Variants in CPNE3 observed in about 807,000 individuals in gnomAD.
CPNE3 encodes the protein copine-3.
In CPNE3, 68 loss-of-function variants were observed where a neutral mutation model predicts 63.9. The observed-to-expected ratio is 1.06, with a 90% confidence interval of 0.87 to 1.30. CPNE3 has a LOEUF of 1.30. Among genes scored for constraint, CPNE3 ranks in the 50% most tolerant of loss-of-function variants. CPNE3 has a pLI of 0.00. For missense variants in CPNE3, 665 were observed against 578.1 expected, an observed-to-expected ratio of 1.15 and a Z score of -1.54; for synonymous variants, 219 against 197.5, an observed-to-expected ratio of 1.11 and a Z score of -0.91.
chr8:86,554,548 A>G (rs993120291), intron 14 of CPNE3, among the ~76,000 whole-genome samples: 3 of 152,176 alleles, frequency 2.0e-5, no homozygotes, highest in Non-Finnish European at 4.4e-5. Flanking sequence ...TCAGAGCCAC[A>G]TTCCCAACAT....
Position 86,528,545 on chromosome 8 carries a change from C to T in CPNE3, c.-1C>T. On this transcript the variant is annotated 5_prime_UTR_variant, in exon 3 of 17. Coordinates refer to ENST00000517490, the MANE Select transcript of CPNE3 (RefSeq NM_003909.5). ...TTATTGGTTTTCTCAGAACTCAAGA[C>T]ATGGCTGCCCAGTGTGTCACAAAGG... 1 of 1,613,138 alleles carries T rather than the reference C, an allele frequency of 6.2e-7. No homozygotes were observed. The highest frequency in any genetic ancestry group is 8.5e-7 in the Non-Finnish European group (1 of 1,179,774).
intron 6 of CPNE3, among the ~76,000 whole-genome samples, chr8:86,536,087 A>C (rs1345821731): frequency 6.6e-6 from 1 of 151,882 alleles, no homozygotes; most frequent in Non-Finnish European, 1.5e-5. Context: ...GAAATTTAAC[A>C]TCTCTCCTGG....
intron 1 of CPNE3, chr8:86,514,806 G>T (rs1199183430): frequency 6.6e-6 from 1 of 152,148 alleles, no homozygotes; most frequent in African/African-American, 2.4e-5. Flanking sequence ...CGGGCTCGGG[G>T]CTCAGCTCCG....
intron 4 of CPNE3, among the ~76,000 whole-genome samples, chr8:86,530,215 G>A (rs1820642182): frequency 1.3e-5 from 2 of 149,928 alleles, no homozygotes; most frequent in South Asian, 4.2e-4. Flanking sequence ...AGTCACCCAG[G>A]CTGGAGTGTC....
intron 3 of CPNE3, 119 bp downstream of exon 3, chr8:86,528,796 A>C: frequency 7.2e-7 from 1 of 1,389,756 alleles, no homozygotes; most frequent in East Asian, 2.4e-5. Flanking sequence ...TTTTTGTGAA[A>C]GTTTGTCCTT....
intron 2 of CPNE3, among the ~76,000 whole-genome samples, chr8:86,515,943 A>G (rs1035022965): frequency 2.0e-5 from 3 of 152,242 alleles, no homozygotes; most frequent in African/African-American, 7.2e-5. Flanking sequence ...AAGGGAACTG[A>G]AAACAGATGA....
intron 3 of CPNE3, 118 bp downstream of exon 3, chr8:86,528,795 A>C: frequency 1.4e-6 from 2 of 1,389,408 alleles, no homozygotes; most frequent in Admixed American, 2.7e-5. Context: ...TTTTTTGTGA[A>C]AGTTTGTCCT....
chr8:86,532,806 G>A (rs1257021852), intron 6 of CPNE3, among the ~76,000 whole-genome samples: 1 of 152,146 alleles, frequency 6.6e-6, no homozygotes, highest in Non-Finnish European at 1.5e-5. Context: ...GTTAAGAGAG[G>A]AGTTGAATAG....
chr8:86,556,586 T>C (rs1821331269), intron 16 of CPNE3, among the ~76,000 whole-genome samples: 2 of 152,240 alleles, frequency 1.3e-5, no homozygotes, highest in African/African-American at 4.8e-5. Flanking sequence ...ATCTTTACCT[T>C]TGTAACAACA....
intron 2 of CPNE3, among the ~76,000 whole-genome samples, chr8:86,518,792 A>G (rs1820369817): frequency 6.6e-6 from 1 of 151,978 alleles, no homozygotes; most frequent in African/African-American, 2.4e-5. Flanking sequence ...TTTATTTGTG[A>G]GATGGGACCT....
intron 2 of CPNE3, among the ~76,000 whole-genome samples, chr8:86,519,759 G>A (rs1230138470): frequency 6.6e-6 from 1 of 152,096 alleles, no homozygotes; most frequent in Non-Finnish European, 1.5e-5. Flanking sequence ...TTTTGCCCAG[G>A]CTGGAGTGCA....
rs1386387971 is a variant in CPNE3, at chr8:86,556,333, C to T, written c.1486C>T (p.Gln496Ter). ...CCAGTTTGTGCCTTTCAGACAGTTC[C>T]AGAATGTGAGTACCACTCCTCCCTA... ...IVQFVPFRQF[Q>*]NAPKEALAQC... Residue 496 changes from glutamine to a stop codon, truncating the protein, a stop_gained, in exon 16 of 17, where the codon CAG becomes TAG. Transcript: ENST00000517490. LOFTEE classifies it high-confidence loss of function. 1 of 872,964 alleles carries T rather than the reference C, an allele frequency of 1.1e-6. No homozygotes were observed. Among genetic ancestry groups the T allele is most frequent in the South Asian group, 1.3e-5 (1 of 76,548 alleles). The allele number at this position is 872,964 out of a possible 1,614,324, so 54.1% of individuals were successfully genotyped here.
chr8:86,554,824 T>G, intron 14 of CPNE3, 27 bp from the exon 15 acceptor site: 1 of 1,608,150 alleles, frequency 6.2e-7, no homozygotes, highest in Non-Finnish European at 8.5e-7. Flanking sequence ...TTTTTAGTAC[T>G]GTTTTTTATT....
intron 5 of CPNE3, 57 bp downstream of exon 5, chr8:86,531,286 G>T: frequency 2.4e-6 from 2 of 822,266 alleles, no homozygotes; most frequent in Admixed American, 1.8e-5. Context: ...AGGACATGCC[G>T]AAACTGTCCA....
At position 86,561,292 on chromosome 8, in the gene CPNE3, C is replaced by T. The variant is rs899311042; in HGVS notation, c.*2882C>T. The T allele has an allele frequency of 6.6e-6, 1 of 152,134 alleles. No individual in the cohort carries two copies. The highest frequency in any genetic ancestry group is 2.4e-5 in the African/African-American group (1 of 41,430). The allele number at this position is 152,134 out of a possible 1,614,324, so 9.4% of individuals were successfully genotyped here. ...GAAGTTTGATGGAACGTGTTAGAAA[C>T]TGTTTTGTGCTTTTATGGATGTCAT... On this transcript the variant is annotated 3_prime_UTR_variant, in exon 17 of 17. Coordinates refer to ENST00000517490, the MANE Select transcript of CPNE3 (RefSeq NM_003909.5).
rs532473572 is a variant in CPNE3, at chr8:86,547,725, C to A, written c.834C>A (p.Cys278Ter). The A allele has an allele frequency of 7.6e-7, 1 of 1,322,426 alleles. No individual in the cohort carries two copies. Among genetic ancestry groups the A allele is most frequent in the Non-Finnish European group, 1.1e-6 (1 of 918,876 alleles). 81.9% of individuals were successfully genotyped at this position (1,322,426 alleles called of 1,614,324 possible). A position where few individuals can be genotyped will look rare whatever the true frequency, so the allele number is the denominator to read the frequency against. ...CTTATTTTTAGATTACAGTAGAATG[C>A]ACATTCCTTGACTATATAATGGGAG... is the stretch of plus-strand genomic sequence containing the variant. ...SVKQCEITVE[C>*]TFLDYIMGGC... Residue 278 changes from cysteine to a stop codon, truncating the protein, a stop_gained, in exon 11 of 17, where the codon TGC becomes TGA. Transcript: ENST00000517490. LOFTEE classifies it high-confidence loss of function.
At chr8:86,557,264 G>T (rs1398944995) in intron 16 of CPNE3, among the ~76,000 whole-genome samples, 1 of 152,090 alleles carries the variant, frequency 6.6e-6, no homozygotes, top group Non-Finnish European at 1.5e-5. Flanking sequence ...CTCCCGAATA[G>T]CTGGGATTAC....
Position 86,554,871 on chromosome 8 carries a change from G to A in CPNE3, c.1141G>A (p.Ala381Thr), listed in dbSNP as rs181759510. The A allele has an allele frequency of 4.7e-5, 76 of 1,614,012 alleles. No individual in the cohort carries two copies. The East Asian group carries it at 1.6e-3, about 34-fold the overall frequency. The change falls in exon 15 of 17, where the codon GCG becomes ACG. Residue 381 changes from alanine to threonine, a missense_variant. Physicochemically the swap from Ala to Thr is moderately conservative, Grantham distance 58. Coordinates refer to ENST00000517490, the MANE Select transcript of CPNE3 (RefSeq NM_003909.5). ...TCTAGGAATCCAAGGCATTGTAGAG[G>A]CGTATCGGTCTTGTCTTCCTCAGAT... ...YCNGIQGIVEAYRSCLPQIKL... is the reference protein window; with the variant it reads ...YCNGIQGIVETYRSCLPQIKL...
In CPNE3 at chr8:86,534,806, A is replaced by G. The variant is rs149825679; in HGVS notation, c.459+2226A>G. On this transcript the variant is annotated intron_variant, in intron 6 of 16. Coordinates refer to ENST00000517490, the MANE Select transcript of CPNE3 (RefSeq NM_003909.5). ...ATAGTTTATATAGGAAAAGTAAGTT[A>G]AAATGTTTGACTTTTCCCCCATATT... is the stretch of plus-strand genomic sequence containing the variant. Among the ~76,000 whole-genome samples the G allele has an allele frequency of 1.9e-4, 29 of 152,350 alleles. 1 individual carries two copies. In the East Asian group the frequency reaches 5.6e-3, roughly 29 times the overall value.
Sources: allele counts gnomAD v4.1 joint callset (sites outside exome capture counted in the v4.1 genomes callset), GRCh38; gene constraint gnomAD v4.1.1; transcripts MANE v1.5; gene names NCBI Gene and HGNC (gene_info 2026-07-23, HGNC 2026-07-21).